The following TLE4 variants were observed in gnomAD, a reference collection of about 807,000 sequenced individuals.
TLE4 encodes TLE family member 4, transcriptional corepressor.
In TLE4, 8 loss-of-function variants were observed where a neutral mutation model predicts 92.8. The observed-to-expected ratio is 0.09, with a 90% CI of 0.05 to 0.16. The LOEUF is 0.16. TLE4 is among the 10% of genes least tolerant of loss of function. The pLI is 1.00. For synonymous variants in TLE4, 371 were observed against 374.1 expected (o/e 0.99, Z 0.10); for missense variants, 675 against 997.6 (o/e 0.68, Z 4.36).
chr9:79,594,324 A>G (rs1022123297), intron 4 of TLE4, among the ~76,000 whole-genome samples: 1 of 152,200 alleles, frequency 6.6e-6, no homozygotes, highest in Non-Finnish European at 1.5e-5. Context: ...CATCTCCAAA[A>G]TGTCTTCCAT....
chr9:79,699,893 G>A lies in TLE4; in HGVS notation c.610-4890G>A, dbSNP rs112959053. Reference sequence around the variant, plus strand: ...AGGAGAAAAGTTTTGGTGAATAGTAGCATATTAAAACCCTATAATTATGGG... The same window carrying A: ...AGGAGAAAAGTTTTGGTGAATAGTAACATATTAAAACCCTATAATTATGGG... On this transcript the variant is annotated intron_variant, in intron 8 of 19. Transcript: ENST00000376552. 8.1e-3 allele frequency among the ~76,000 whole-genome samples: 1,229 copies of A among 152,264 alleles called. 15 individuals carry two copies. The highest frequency in any genetic ancestry group is 0.027 in the African/African-American group (1,127 of 41,556).
chr9:79,700,690 A>G (rs1377960435), intron 8 of TLE4, among the ~76,000 whole-genome samples: 4 of 152,120 alleles, frequency 2.6e-5, no homozygotes, highest in Non-Finnish European at 5.9e-5. Flanking sequence ...TCTTAAACAG[A>G]TCTACCCTGT....
chr9:79,700,300 T>C (rs2069445543), intron 8 of TLE4, among the ~76,000 whole-genome samples: 1 of 152,228 alleles, frequency 6.6e-6, no homozygotes, highest in South Asian at 2.1e-4. Flanking sequence ...GCTATTAAAA[T>C]CTGTGCTCCC....
At chr9:79,674,855 C>G (rs931140805) in intron 8 of TLE4, among the ~76,000 whole-genome samples, 4 of 152,124 alleles carry the variant, frequency 2.6e-5, no homozygotes, top group African/African-American at 9.7e-5. Context: ...TCTACCAGTT[C>G]AGAATCTGCT....
intron 15 of TLE4, among the ~76,000 whole-genome samples, chr9:79,719,424 T>A (rs1299533771): frequency 1.3e-5 from 2 of 152,130 alleles, no homozygotes; most frequent in African/African-American, 4.8e-5. Flanking sequence ...TGCTATAGCA[T>A]GAGGCTACAT....
chr9:79,648,997 G>C (rs1362944001), intron 6 of TLE4, among the ~76,000 whole-genome samples: 2 of 152,164 alleles, frequency 1.3e-5, no homozygotes, highest in Non-Finnish European at 2.9e-5. Flanking sequence ...CCAAAGAAAG[G>C]CTGGCCATCG....
intron 14 of TLE4, among the ~76,000 whole-genome samples, chr9:79,713,886 G>A (rs548083605): frequency 3.3e-5 from 5 of 151,960 alleles, no homozygotes; most frequent in African/African-American, 1.2e-4. Flanking sequence ...TTGTTTGAGA[G>A]AGAGTCTCGG....
chr9:79,589,138 A>G (rs1158618114), intron 4 of TLE4, among the ~76,000 whole-genome samples: 2 of 152,010 alleles, frequency 1.3e-5, no homozygotes, highest in Non-Finnish European at 2.9e-5. Context: ...ACACTCAGAA[A>G]CTCTGCTCCA....
At chr9:79,624,593 T>A (rs1006698461) in intron 5 of TLE4, among the ~76,000 whole-genome samples, 1 of 152,230 alleles carries the variant, frequency 6.6e-6, no homozygotes, top group Non-Finnish European at 1.5e-5. Context: ...CATTTTAGCT[T>A]TATAGCAGGA....
At chr9:79,585,814 TC>T (rs1408856851) in intron 4 of TLE4, among the ~76,000 whole-genome samples, 1 of 152,116 alleles carries the variant, frequency 6.6e-6, no homozygotes, top group East Asian at 1.9e-4. Flanking sequence ...TCCTTTTTTT[TC>T]ATGTAAACCC....
chr9:79,652,417 G>A (rs1481231432), intron 6 of TLE4, among the ~76,000 whole-genome samples, 176 bp from the exon 7 acceptor site: 1 of 152,122 alleles, frequency 6.6e-6, no homozygotes. Flanking sequence ...TCAATCTCCT[G>A]ACCTCGTGAT....
At chr9:79,656,117 G>A (rs914930535) in intron 8 of TLE4, among the ~76,000 whole-genome samples, 4 of 152,132 alleles carry the variant, frequency 2.6e-5, no homozygotes, top group East Asian at 1.9e-4. Flanking sequence ...GTTGTATTAC[G>A]TCAGGTCTGG....
Position 79,622,343 on chromosome 9 carries a change from C to G in TLE4, c.316-5031C>G, listed in dbSNP as rs73652221. Among the ~76,000 whole-genome samples the G allele has an allele frequency of 2.3e-3, 356 of 152,282 alleles. 2 individuals are homozygous for G. Among genetic ancestry groups the G allele is most frequent in the African/African-American group, 8.3e-3 (343 of 41,554 alleles). Reference sequence around the variant, plus strand: ...CAGCTGTGTCCCCTACCTGCTCTCCCTCTTCCAGCCACACAGACATTCTTG... The same window carrying G: ...CAGCTGTGTCCCCTACCTGCTCTCCGTCTTCCAGCCACACAGACATTCTTG... On this transcript the variant is annotated intron_variant, in intron 5 of 19. Transcript: ENST00000376552.
intron 19 of TLE4, 127 bp from the exon 20 acceptor site, chr9:79,724,910 A>T: frequency 2.1e-6 from 1 of 481,208 alleles, no homozygotes; most frequent in Non-Finnish European, 3.9e-6. Flanking sequence ...ACCACCTTTC[A>T]CCTTTCCTTG....
At chr9:79,630,846 C>T (rs2053982184) in intron 6 of TLE4, among the ~76,000 whole-genome samples, 2 of 151,900 alleles carry the variant, frequency 1.3e-5, no homozygotes, top group African/African-American at 4.8e-5. Context: ...AGAATTTCAC[C>T]AAAGAAACTA....
At chr9:79,705,817 C>T in intron 9 of TLE4, 72 bp from the exon 10 acceptor site, 2 of 1,450,196 alleles carry the variant, frequency 1.4e-6, no homozygotes, top group South Asian at 2.3e-5. Context: ...AGGAATTAGT[C>T]TGGACTTACT....
intron 6 of TLE4, among the ~76,000 whole-genome samples, chr9:79,628,230 C>A (rs183527938): frequency 1.1e-3 from 175 of 152,186 alleles, no homozygotes; most frequent in African/African-American, 4.1e-3. Context: ...TTGGGTTATT[C>A]TAATGAAGAC....
chr9:79,655,400 G>A (rs776681703), intron 8 of TLE4, among the ~76,000 whole-genome samples: 8 of 152,222 alleles, frequency 5.3e-5, no homozygotes, highest in Non-Finnish European at 7.4e-5. Context: ...CACTGTGCTA[G>A]CACTTTGAAT....
At chr9:79,632,825 A>G (rs897690468) in intron 6 of TLE4, among the ~76,000 whole-genome samples, 1 of 152,176 alleles carries the variant, frequency 6.6e-6, no homozygotes, top group African/African-American at 2.4e-5. Flanking sequence ...TTTACTGAAT[A>G]GTGTGCCTGG....
Sources: gnomAD v4.1 joint callset for allele counts (sites outside exome capture counted in the v4.1 genomes callset) on GRCh38, gnomAD v4.1.1 for gene constraint, MANE v1.5 for transcripts, NCBI Gene and HGNC (gene_info 2026-07-23, HGNC 2026-07-21) for gene names.